Variants in SLC38A10 observed in about 807,000 individuals in gnomAD.
SLC38A10 encodes solute carrier family 38 member 10, also known as Sodium-coupled neutral amino acid transporter 10.
In SLC38A10, 53 loss-of-function variants were observed where a neutral mutation model predicts 81.0. The ratio of observed to expected loss-of-function variants is 0.65; its 90% CI spans 0.53 to 0.82. The LOEUF (loss-of-function observed/expected upper bound fraction) is 0.82. Ranked by LOEUF, SLC38A10 falls within the 40% of genes least tolerant of loss-of-function variation. The probability of loss-of-function intolerance (pLI) is 0.00; values close to 1 mark genes in which losing one functional copy is unlikely to be tolerated. For missense variants in SLC38A10, 1,471 were observed against 1,545.0 expected (o/e 0.95, Z 0.80); for synonymous variants, 665 against 655.3 (o/e 1.01, Z -0.23).
intron 8 of SLC38A10, among the ~76,000 whole-genome samples, chr17:81,273,535 G>A (rs545695357): frequency 7.2e-5 from 11 of 152,220 alleles, no homozygotes; most frequent in Non-Finnish European, 1.6e-4. Flanking sequence ...AACAACTGCA[G>A]AACTTTCTAG....
chr17:81,259,741 G>T (rs1460698404), intron 11 of SLC38A10, among the ~76,000 whole-genome samples: 1 of 152,040 alleles, frequency 6.6e-6, no homozygotes, highest in African/African-American at 2.4e-5. Flanking sequence ...GGGCGCCACG[G>T]GGCCCCTCCT....
In SLC38A10 at chr17:81,283,961, G is replaced by A. The variant is rs990415852; in HGVS notation, c.264-459C>T. ...AGTTCACAGGGCGCGGGCAGGTTCT[G>A]TGGCGCTCGCTATGTCACTTGGCAT... On this transcript the variant is annotated intron_variant, in intron 3 of 15. Coordinates refer to ENST00000374759, the MANE Select transcript of SLC38A10 (RefSeq NM_001037984.3). The surrounding 1 kb of genome is among the most constrained non-coding windows in gnomAD (Gnocchi z 4.7). Among the ~76,000 whole-genome samples, 1 of 152,036 alleles carries A rather than the reference G, an allele frequency of 6.6e-6. No individual in the cohort carries two copies. The highest frequency in any genetic ancestry group is 1.5e-5 in the Non-Finnish European group (1 of 68,008).
At chr17:81,254,815 C>G (rs72860034) in intron 11 of SLC38A10, among the ~76,000 whole-genome samples, 1 of 152,208 alleles carries the variant, frequency 6.6e-6, no homozygotes, top group Non-Finnish European at 1.5e-5. Context: ...CTCCATCACA[C>G]GATTAGGCTT....
At chr17:81,248,773 G>A (rs565216329) in intron 14 of SLC38A10, among the ~76,000 whole-genome samples, 2 of 152,344 alleles carry the variant, frequency 1.3e-5, no homozygotes, top group South Asian at 2.1e-4. Context: ...TCCCAGGAAC[G>A]CAGCCCTGGG....
At position 81,253,030 on chromosome 17, in the gene SLC38A10, G is replaced by A. The variant is rs1336749663; in HGVS notation, c.1456+43C>T. On this transcript the variant is annotated intron_variant, in intron 12 of 15. Transcript: ENST00000374759. The surrounding 1 kb of genome is among the most constrained non-coding windows in gnomAD (Gnocchi z 4.1). ...TGTCCAGCCTGCAAAGGAGGACCCGGGGCCGCCCTTCCCCATCCGCACCCC... is the reference window on the plus strand; with the variant it reads ...TGTCCAGCCTGCAAAGGAGGACCCGAGGCCGCCCTTCCCCATCCGCACCCC... The A allele has an allele frequency of 1.9e-6, 3 of 1,599,436 alleles. No individual in the cohort carries two copies. Among genetic ancestry groups the A allele is most frequent in the Non-Finnish European group, 1.7e-6 (2 of 1,174,278 alleles).
At chr17:81,282,766 G>T (rs1314443643) in intron 4 of SLC38A10, among the ~76,000 whole-genome samples, 1 of 152,206 alleles carries the variant, frequency 6.6e-6, no homozygotes, top group Non-Finnish European at 1.5e-5. Flanking sequence ...CAGAGTAGGG[G>T]ACCTAGCTCC....
chr17:81,255,601 G>A (rs1004894163), intron 11 of SLC38A10, among the ~76,000 whole-genome samples: 2 of 152,212 alleles, frequency 1.3e-5, no homozygotes, highest in African/African-American at 2.4e-5. Flanking sequence ...AGCCACAGTA[G>A]AGGCGGCCAC....
At chr17:81,251,188 A>G in intron 14 of SLC38A10, 1 of 1,533,058 alleles carries the variant, frequency 6.5e-7, no homozygotes, top group Non-Finnish European at 8.8e-7. Context: ...TGGTAATCAC[A>G]AGCCAAGTGA....
chr17:81,282,308 G>A lies in SLC38A10; in HGVS notation c.382C>T (p.Leu128=), dbSNP rs1463107940. 6.2e-7 allele frequency: 1 copy of A among 1,612,726 alleles called. No homozygotes were observed. The highest frequency in any genetic ancestry group is 8.5e-7 in the Non-Finnish European group (1 of 1,179,766). ...FQVGGTFRMF[L]LFAVSLCIVL... ...ATGCACAGCGACACGGCGAACAGCA[G>A]GAACATGCGGAAGGTGCCGCCCACC... The change falls in exon 5 of 16, where the codon CTG becomes TTG. Residue 128 remains leucine, a synonymous_variant. Transcript: ENST00000374759.
chr17:81,282,635 A>G (rs1461082630), intron 4 of SLC38A10, among the ~76,000 whole-genome samples: 1 of 152,102 alleles, frequency 6.6e-6, no homozygotes, highest in Non-Finnish European at 1.5e-5. Flanking sequence ...TGTGAGTCGG[A>G]CTCAGCTGCC....
rs775677706 is a variant in SLC38A10, at chr17:81,277,119, G to A, written c.641C>T (p.Thr214Ile). Residue 214 changes from threonine to isoleucine, a missense_variant, in exon 7 of 16, where the codon ACC (threonine) becomes ATC (isoleucine). Thr to Ile is a moderately conservative substitution (Grantham distance 89). This residue lies in a region of SLC38A10 where 720 missense variants were observed against 827.7 expected (regional missense o/e 0.87). Coordinates refer to ENST00000374759, the MANE Select transcript of SLC38A10 (RefSeq NM_001037984.3). The surrounding 1 kb of genome is among the most constrained non-coding windows in gnomAD (Gnocchi z 4.5). ...TGACGGCTCATCCAGGCTGTCGTAGGTGGGCAGCACCTGGCTGTATAGAAA... is the reference window on the plus strand; with the variant it reads ...TGACGGCTCATCCAGGCTGTCGTAGATGGGCAGCACCTGGCTGTATAGAAA... The part of the protein sequence containing the change: ...SFACQSQVLP[T>I]YDSLDEPSVK... 49 of 1,613,836 alleles carry A rather than the reference G, an allele frequency of 3.0e-5. No homozygotes were observed. The Admixed American group carries it at 6.0e-4, about 20-fold the overall frequency.
chr17:81,266,618 CAAA>C (rs57854082), intron 10 of SLC38A10, among the ~76,000 whole-genome samples: 1 of 82,104 alleles, frequency 1.2e-5, no homozygotes, highest in Non-Finnish European at 2.6e-5. Context: ...GACTCCATCT[CAAA>C]AAAAAAAAAA....
At chr17:81,249,927 T>A in intron 14 of SLC38A10, 1 of 617,906 alleles carries the variant, frequency 1.6e-6, no homozygotes, top group Non-Finnish European at 2.4e-6. Flanking sequence ...TGGCTGAGCC[T>A]GGGTGCGTGC....
rs1381709921 is a variant in SLC38A10 at position 81,270,333 on chromosome 17, A to G, written c.1131+585T>C. On this transcript the variant is annotated intron_variant, in intron 10 of 15. Coordinates refer to ENST00000374759, the MANE Select transcript of SLC38A10 (RefSeq NM_001037984.3). The surrounding 1 kb of genome is among the most constrained non-coding windows in gnomAD (Gnocchi z 4.0). ...TATTCATCGCGATTCTGTCTGCAAT[A>G]GCAAGACTGGAGAGGTGAGTCCTTC... 6.6e-6 allele frequency among the ~76,000 whole-genome samples: 1 copy of G among 152,242 alleles called. No homozygotes were observed. The highest frequency in any genetic ancestry group is 2.4e-5 in the African/African-American group (1 of 41,460).
At position 81,289,800 on chromosome 17, in the gene SLC38A10, G is replaced by A. The variant is rs372577201; in HGVS notation, c.108C>T (p.Ile36=). Residue 36 remains isoleucine, a synonymous_variant, in exon 2 of 16, where the codon ATC becomes ATT. Coordinates refer to ENST00000374759, the MANE Select transcript of SLC38A10 (RefSeq NM_001037984.3). The surrounding 1 kb of genome is among the most constrained non-coding windows in gnomAD (Gnocchi z 5.9). ...AGACCAAGAGCAGCGCCCCCAGGAC[G>A]ATGCCGCACTGCAGGGTGGAGACAG... ...TMPFCFKQCG[I]VLGALLLVFC... 118 of 1,596,866 alleles carry A rather than the reference G, an allele frequency of 7.4e-5. No individual in the cohort carries two copies. Among genetic ancestry groups the A allele is most frequent in the Admixed American group, 1.2e-4 (7 of 57,332 alleles).
rs374483616 is a variant in SLC38A10 at position 81,261,763 on chromosome 17, G to A, written c.1132-1369C>T. Among the ~76,000 whole-genome samples, 47 of 152,374 alleles carry A rather than the reference G, an allele frequency of 3.1e-4. 1 individual carries two copies. The highest frequency in any genetic ancestry group is 1.1e-3 in the African/African-American group (47 of 41,598). The stretch of plus-strand genomic sequence containing the variant: ...GCCGAAGGGAGCCCGGCCGCAATGT[G>A]CCTCGGGGCTTGTAGGATGCCCAGG... On this transcript the variant is annotated intron_variant, in intron 10 of 15. Coordinates refer to ENST00000374759, the MANE Select transcript of SLC38A10 (RefSeq NM_001037984.3).
intron 10 of SLC38A10, among the ~76,000 whole-genome samples, chr17:81,260,930 G>A (rs2063017541): frequency 6.6e-6 from 1 of 152,264 alleles, no homozygotes; most frequent in African/African-American, 2.4e-5. Flanking sequence ...CCGCAAGGCT[G>A]GCCCCGTGCA....
intron 2 of SLC38A10, among the ~76,000 whole-genome samples, chr17:81,285,974 G>A (rs978421645): frequency 1.3e-5 from 2 of 152,134 alleles, no homozygotes; most frequent in South Asian, 2.1e-4. Context: ...CTATGGGCTC[G>A]CTGAAGAAGC....
chr17:81,247,602 G>C (rs2062864525), intron 14 of SLC38A10: 1 of 151,204 alleles, frequency 6.6e-6, no homozygotes, highest in Non-Finnish European at 1.5e-5. Flanking sequence ...GAGGCAGGCA[G>C]ATCGCTTGAG....
Sources: gnomAD v4.1 joint callset for allele counts (sites outside exome capture counted in the v4.1 genomes callset) on GRCh38, gnomAD v4.1.1 for gene constraint, gnomAD v4.1.1 regional missense constraint, Gnocchi (gnomAD v3.1) non-coding constraint, MANE v1.5 for transcripts, NCBI Gene and HGNC (gene_info 2026-07-23, HGNC 2026-07-21) for gene names.